Variants in MAP3K5 observed in about 807,000 individuals in gnomAD.
MAP3K5 encodes the protein ASK-1.
In MAP3K5, 56 loss-of-function variants were observed where a neutral mutation model predicts 158.7. The observed-to-expected ratio is 0.35, with a 90% CI of 0.28 to 0.44. The LOEUF (loss-of-function observed/expected upper bound fraction) is 0.44. MAP3K5 is among the 20% of genes least tolerant of loss of function. The pLI, the probability that MAP3K5 is intolerant of heterozygous loss-of-function variation, is 1.00. For missense variants in MAP3K5, 1,294 were observed against 1,674.8 expected (o/e 0.77, Z 3.97); for synonymous variants, 579 against 601.7 (o/e 0.96, Z 0.55).
chr6:136,735,423 G>A (rs1444275830), intron 1 of MAP3K5, among the ~76,000 whole-genome samples: 2 of 152,192 alleles, frequency 1.3e-5, no homozygotes, highest in African/African-American at 4.8e-5. Flanking sequence ...TGGCATTTAT[G>A]AGATAATCAA....
intron 6 of MAP3K5, among the ~76,000 whole-genome samples, chr6:136,694,872 A>T (rs1460620617): frequency 6.6e-6 from 1 of 152,236 alleles, no homozygotes; most frequent in African/African-American, 2.4e-5. Flanking sequence ...ACAAAACCAG[A>T]TAAAAATTCT....
At chr6:136,761,668 G>C (rs1051282833) in intron 1 of MAP3K5, among the ~76,000 whole-genome samples, 1 of 152,158 alleles carries the variant, frequency 6.6e-6, no homozygotes, top group Admixed American at 6.5e-5. Flanking sequence ...CACAGAAAGG[G>C]GGCCTTGTGA....
intron 7 of MAP3K5, among the ~76,000 whole-genome samples, chr6:136,691,746 C>T (rs1417703166): frequency 1.3e-5 from 2 of 151,924 alleles, no homozygotes; most frequent in African/African-American, 2.4e-5. Context: ...GCTCTTTTAT[C>T]GTATTGTGTC....
intron 1 of MAP3K5, among the ~76,000 whole-genome samples, chr6:136,772,925 T>C (rs981511378): frequency 6.6e-6 from 1 of 152,180 alleles, no homozygotes; most frequent in Non-Finnish European, 1.5e-5. Flanking sequence ...GCACTTTCCC[T>C]TCCTGAAGAA....
At chr6:136,732,181 T>C (rs1237595004) in intron 1 of MAP3K5, among the ~76,000 whole-genome samples, 1 of 151,974 alleles carries the variant, frequency 6.6e-6, no homozygotes, top group Non-Finnish European at 1.5e-5. Context: ...TCCCAGCACT[T>C]TGGGAGGCTG....
At chr6:136,660,869 T>C (rs1357247075) in intron 8 of MAP3K5, among the ~76,000 whole-genome samples, 1 of 152,210 alleles carries the variant, frequency 6.6e-6, no homozygotes, top group African/African-American at 2.4e-5. Flanking sequence ...TTGCAGATTT[T>C]TGTCCAGTAG....
rs1293967879 is a variant in MAP3K5, at chr6:136,609,969, G to A, written c.2521+1313C>T. ...CAAAAAACCAGTCTGAGTTCTATCC[G>A]GTACACACTGCTGTGACTTCTGACT... On this transcript the variant is annotated intron_variant, in intron 18 of 29. Coordinates refer to ENST00000359015, the MANE Select transcript of MAP3K5 (RefSeq NM_005923.4). The surrounding 1 kb of genome is among the most constrained non-coding windows in gnomAD (Gnocchi z 4.4). Among the ~76,000 whole-genome samples, 4 of 151,772 alleles carry A rather than the reference G, an allele frequency of 2.6e-5. No individual in the cohort carries two copies. Among genetic ancestry groups the A allele is most frequent in the Non-Finnish European group, 4.4e-5 (3 of 67,964 alleles).
At chr6:136,655,525 C>T (rs1190752487) in intron 10 of MAP3K5, among the ~76,000 whole-genome samples, 2 of 152,104 alleles carry the variant, frequency 1.3e-5, no homozygotes, top group Non-Finnish European at 2.9e-5. Context: ...GAACTGTCAC[C>T]GCCTCTAAGT....
chr6:136,599,031 C>T (rs940409171), intron 21 of MAP3K5, among the ~76,000 whole-genome samples: 4 of 151,878 alleles, frequency 2.6e-5, no homozygotes, highest in Non-Finnish European at 4.4e-5. Context: ...ATTAGCTGGG[C>T]GTGGTAGTGG....
chr6:136,784,231 A>C (rs1192604962), intron 1 of MAP3K5, among the ~76,000 whole-genome samples: 1 of 152,260 alleles, frequency 6.6e-6, no homozygotes, highest in East Asian at 1.9e-4. Context: ...CTGGCAGCCC[A>C]GGAAGCAGAG....
chr6:136,600,434 T>A (rs1775824764), intron 21 of MAP3K5, among the ~76,000 whole-genome samples: 4 of 152,078 alleles, frequency 2.6e-5, no homozygotes. Flanking sequence ...GCTCAAGCAA[T>A]CTGACCATCT....
At chr6:136,720,673 T>A (rs1268720757) in intron 1 of MAP3K5, 84 bp from the exon 2 acceptor site, 6 of 1,000,458 alleles carry the variant, frequency 6.0e-6, no homozygotes, top group Non-Finnish European at 7.3e-6. Flanking sequence ...TATCTTAGTA[T>A]TCAAAAGAGG....
At chr6:136,572,884 T>C (rs150269617) in intron 25 of MAP3K5, among the ~76,000 whole-genome samples, 106 of 152,268 alleles carry the variant, frequency 7.0e-4, no homozygotes, top group African/African-American at 2.4e-3. Flanking sequence ...CTAGGGCAAA[T>C]ACACAGAAGA....
intron 25 of MAP3K5, among the ~76,000 whole-genome samples, chr6:136,579,262 G>A (rs1409854966): frequency 6.6e-6 from 1 of 152,146 alleles, no homozygotes; most frequent in African/African-American, 2.4e-5. Flanking sequence ...ACACAGGGTG[G>A]AAGAGCTTTG....
At chr6:136,658,172 G>C (rs747837357) in intron 9 of MAP3K5, among the ~76,000 whole-genome samples, 2 of 152,132 alleles carry the variant, frequency 1.3e-5, no homozygotes, top group Non-Finnish European at 2.9e-5. Flanking sequence ...CGAGTCGGTG[G>C]CCTGGGCTCT....
At chr6:136,708,733 A>C (rs1433762011) in intron 2 of MAP3K5, among the ~76,000 whole-genome samples, 1 of 152,180 alleles carries the variant, frequency 6.6e-6, no homozygotes, top group Admixed American at 6.5e-5. Context: ...AATAGTTAAT[A>C]TTGCGCACAC....
intron 11 of MAP3K5, among the ~76,000 whole-genome samples, chr6:136,650,292 C>G (rs1778460930): frequency 6.6e-6 from 1 of 152,208 alleles, no homozygotes; most frequent in African/African-American, 2.4e-5. Context: ...TTCCACAAGA[C>G]TTCTCTCATT....
In MAP3K5 at chr6:136,609,181, C is replaced by A. The variant is rs1007030216; in HGVS notation, c.2521+2101G>T. On this transcript the variant is annotated intron_variant, in intron 18 of 29. Transcript: ENST00000359015. The surrounding 1 kb of genome is among the most constrained non-coding windows in gnomAD (Gnocchi z 4.4). ...AGTGTGTGAAACGAGGGATTTTCCT[C>A]TCAGAAATTACTGAGTCTTGACAGC... Among the ~76,000 whole-genome samples the A allele has an allele frequency of 6.6e-6, 1 of 152,200 alleles. No homozygotes were observed. The highest frequency in any genetic ancestry group is 1.5e-5 in the Non-Finnish European group (1 of 68,036).
Position 136,755,689 on chromosome 6 carries a change from C to CAA in MAP3K5, c.449-35102_449-35101dup, listed in dbSNP as rs772339028. On this transcript the variant is annotated intron_variant, in intron 1 of 29. Transcript: ENST00000359015. Reference sequence around the variant, plus strand: ...GGGTGACAGAGCAAGACTCTGTCTCCAAAAAAAAAAAAAAAAAAAAGTTAA... The same window carrying CAA: ...GGGTGACAGAGCAAGACTCTGTCTCCAAAAAAAAAAAAAAAAAAAAAAGTTAA... 3.9e-3 allele frequency among the ~76,000 whole-genome samples: 189 copies of CAA among 48,184 alleles called. 2 individuals are homozygous for CAA. The highest frequency in any genetic ancestry group is 4.9e-3 in the African/African-American group (96 of 19,444). The allele number at this position is 48,184 out of a possible 152,430, so 31.6% of individuals were successfully genotyped here.
Sources: allele counts gnomAD v4.1 joint callset (sites outside exome capture counted in the v4.1 genomes callset), GRCh38; gene constraint gnomAD v4.1.1; non-coding constraint Gnocchi (gnomAD v3.1); transcripts MANE v1.5; gene names NCBI Gene and HGNC (gene_info 2026-07-23, HGNC 2026-07-21).